PURG: variants seen among roughly 807,000 people sequenced by gnomAD.
The protein encoded by PURG is purine rich element binding protein G, also known as purine-rich element-binding protein gamma.
Under a neutral mutation model 24.3 loss-of-function variants are expected in PURG, and 3 were observed. The ratio of observed to expected loss-of-function variants is 0.12; its 90% CI spans 0.06 to 0.32. The LOEUF (loss-of-function observed/expected upper bound fraction) is 0.32, where lower values mean the gene tolerates loss of function less well. PURG is among the 10% of genes least tolerant of loss of function. PURG has a pLI of 1.00. For synonymous variants in PURG, 180 were observed against 173.1 expected, an observed-to-expected ratio of 1.04 and a Z score of -0.31; for missense variants, 371 against 439.1, an observed-to-expected ratio of 0.84 and a Z score of 1.39.
Position 31,031,144 on chromosome 8 carries a change from T to C in PURG, c.*595A>G, listed in dbSNP as rs1421678867. The C allele has an allele frequency of 2.6e-5, 4 of 152,770 alleles. No homozygotes were observed. Among genetic ancestry groups the C allele is most frequent in the African/African-American group, 4.8e-5 (2 of 41,452 alleles). The allele number at this position is 152,770 out of a possible 1,614,324, so 9.5% of individuals were successfully genotyped here. On this transcript the variant is annotated 3_prime_UTR_variant, in exon 2 of 2. Coordinates refer to ENST00000523392, the MANE Select transcript of PURG (RefSeq NM_001323311.2). Reference sequence around the variant, plus strand: ...CAAAGTTTGAAATTATAGAATACTATAGTATTCTTAAGAAATATTATGACA... The same window carrying C: ...CAAAGTTTGAAATTATAGAATACTACAGTATTCTTAAGAAATATTATGACA...
intron 1 of PURG, among the ~76,000 whole-genome samples, chr8:31,012,216 A>G (rs1409466149): frequency 6.6e-6 from 1 of 152,202 alleles, no homozygotes; most frequent in Non-Finnish European, 1.5e-5. Context: ...CAAATGGGAA[A>G]CTTAAGTTTA....
intron 1 of PURG, among the ~76,000 whole-genome samples, chr8:31,007,029 TACAAG>T (rs1810666541): frequency 1.3e-5 from 2 of 152,220 alleles, no homozygotes; most frequent in South Asian, 4.1e-4. Flanking sequence ...GATAAATTGA[TACAAG>T]ACAACAGATT....
chr8:31,013,649 A>G (rs1046435365), intron 1 of PURG, among the ~76,000 whole-genome samples: 1 of 152,204 alleles, frequency 6.6e-6, no homozygotes, highest in African/African-American at 2.4e-5. Context: ...AAGCAGGAGA[A>G]TCACTTGAAC....
chr8:31,027,139 C>T (rs1327938247), downstream of PURG, among the ~76,000 whole-genome samples: 1 of 151,606 alleles, frequency 6.6e-6, no homozygotes, highest in African/African-American at 2.4e-5. Context: ...CTTTGAAATT[C>T]AAGAAATATT....
At chr8:30,999,718 C>G (rs990484095) in intron 1 of PURG, among the ~76,000 whole-genome samples, 21 of 151,760 alleles carry the variant, frequency 1.4e-4, no homozygotes, top group African/African-American at 5.1e-4. Flanking sequence ...ACAGTTTTAC[C>G]TTTTTCATAC....
intron 1 of PURG, among the ~76,000 whole-genome samples, chr8:31,018,940 A>C (rs1028582840): frequency 1.3e-4 from 19 of 150,952 alleles, no homozygotes; most frequent in African/African-American, 4.4e-4. Flanking sequence ...ATTCTGGCTA[A>C]CATGGTGAAA....
rs1048735304 is a variant in PURG, at chr8:30,999,639, A to G, written c.865-2942T>C. On this transcript the variant is annotated intron_variant, in intron 1 of 1. Transcript: ENST00000339382. ...CTTTATAATTGCACATTCCTTTGCC[A>G]AAGTGCCACAAGTTGACAAATATTT... Among the ~76,000 whole-genome samples the G allele has an allele frequency of 3.3e-5, 5 of 152,026 alleles. 1 individual carries two copies. The highest frequency in any genetic ancestry group is 2.6e-4 in the Admixed American group (4 of 15,260).
At chr8:31,025,394 C>T (rs1381339169) in intron 1 of PURG, among the ~76,000 whole-genome samples, 1 of 151,896 alleles carries the variant, frequency 6.6e-6, no homozygotes, top group African/African-American at 2.4e-5. Flanking sequence ...CTTTTAACAA[C>T]ACCTCTTTCA....
In PURG at chr8:31,032,355, T is replaced by C. The variant is rs772773032; in HGVS notation, c.428A>G (p.Glu143Gly). The change falls in exon 2 of 2, where the codon GAG becomes GGG. Residue 143 changes from glutamate to glycine, a missense_variant. Coordinates refer to ENST00000523392, the MANE Select transcript of PURG (RefSeq NM_001323311.2). The surrounding 1 kb of genome is among the most constrained non-coding windows in gnomAD (Gnocchi z 5.9). ...GHRQEHGHSK[E>G]QGSRRRQKHS... ...CTTCTGCCTCCTTCTGGAGCCTTGCTCTTTGCTGTGGCCATGCTCTTGCCG... is the reference window on the plus strand; with the variant it reads ...CTTCTGCCTCCTTCTGGAGCCTTGCCCTTTGCTGTGGCCATGCTCTTGCCG... The C allele has an allele frequency of 1.2e-6, 2 of 1,613,190 alleles. No homozygotes were observed. The highest frequency in any genetic ancestry group is 1.7e-5 in the Admixed American group (1 of 60,012).
At chr8:31,014,512 G>A (rs576712538) in intron 1 of PURG, among the ~76,000 whole-genome samples, 41 of 152,234 alleles carry the variant, frequency 2.7e-4, no homozygotes, top group Non-Finnish European at 4.4e-4. Flanking sequence ...TACTGCCAAA[G>A]ATTTTGAAAA....
intron 1 of PURG, among the ~76,000 whole-genome samples, chr8:30,998,251 T>TG (rs1262345821): frequency 6.6e-6 from 1 of 151,846 alleles, no homozygotes; most frequent in Non-Finnish European, 1.5e-5. Context: ...TATTGTTCAT[T>TG]GGTTATATTG....
intron 1 of PURG, among the ~76,000 whole-genome samples, chr8:31,002,242 G>A (rs1387817663): frequency 6.6e-6 from 1 of 152,078 alleles, no homozygotes; most frequent in Non-Finnish European, 1.5e-5. Flanking sequence ...ATTGAATACC[G>A]AGAGGTAAGA....
At position 31,031,533 on chromosome 8, in the gene PURG, T is replaced by C. The variant is rs1811202587; in HGVS notation, c.*206A>G. The stretch of plus-strand genomic sequence containing the variant: ...AGTTGAAGCAGCTAAACTATTTAGC[T>C]CTGGGAAGGTTGGAATTCCCGTAAG... On this transcript the variant is annotated 3_prime_UTR_variant, in exon 2 of 2. Coordinates refer to ENST00000523392, the MANE Select transcript of PURG (RefSeq NM_001323311.2). 5.1e-6 allele frequency: 3 copies of C among 588,664 alleles called. No homozygotes were observed. Among genetic ancestry groups the C allele is most frequent in the Non-Finnish European group, 8.9e-6 (3 of 335,978 alleles). 36.5% of individuals were successfully genotyped at this position (588,664 alleles called of 1,614,324 possible). A position where few individuals can be genotyped will look rare whatever the true frequency, so the allele number is the denominator to read the frequency against.
rs1409225674 is a variant in PURG at position 31,033,287 on chromosome 8, G to C, written c.-216C>G. On this transcript the variant is annotated 5_prime_UTR_variant, in exon 1 of 2. Transcript: ENST00000523392. Reference sequence around the variant, plus strand: ...CAGCCGCCCCTCCTGCGGCCGCTGCGGGGGCCGCCGCCTGACTTCGGACAC... The same window carrying C: ...CAGCCGCCCCTCCTGCGGCCGCTGCCGGGGCCGCCGCCTGACTTCGGACAC... The C allele has an allele frequency of 6.2e-6, 1 of 160,880 alleles. No individual in the cohort carries two copies. Among genetic ancestry groups the C allele is most frequent in the Non-Finnish European group, 1.4e-5 (1 of 74,040 alleles). The allele number at this position is 160,880 out of a possible 1,614,324, so 10.0% of individuals were successfully genotyped here.
chr8:31,032,422 C>A lies in PURG; in HGVS notation c.361G>T (p.Asp121Tyr), dbSNP rs1319521632. ...AGGTGGGCATAGTGCTCGATGAAGT[C>A]CCCTAGACAGTCCTTCAGCTCCGCT... ...VAAELKDCLG[D>Y]FIEHYAHLGL... Residue 121 changes from aspartate to tyrosine, a missense_variant, in exon 2 of 2, where the codon GAC becomes TAC. Physicochemically the swap from Asp to Tyr is radical, Grantham distance 160 (BLOSUM62 -3). Coordinates refer to ENST00000523392, the MANE Select transcript of PURG (RefSeq NM_001323311.2). This position sits in a 1 kb window ranked among gnomAD's most constrained non-coding sequence, Gnocchi z 5.9. The A allele has an allele frequency of 5.0e-6, 8 of 1,614,058 alleles. No homozygotes were observed. Among genetic ancestry groups the A allele is most frequent in the Non-Finnish European group, 5.9e-6 (7 of 1,180,044 alleles).
intron 1 of PURG, among the ~76,000 whole-genome samples, chr8:31,007,754 T>C (rs1280907034): frequency 1.3e-5 from 2 of 152,162 alleles, no homozygotes; most frequent in Non-Finnish European, 2.9e-5. Context: ...CTGTAGGTAC[T>C]AGGAAGTAGG....
At chr8:30,999,233 G>A (rs777505259) in intron 1 of PURG, among the ~76,000 whole-genome samples, 12 of 151,696 alleles carry the variant, frequency 7.9e-5, no homozygotes, top group Non-Finnish European at 1.2e-4. Flanking sequence ...TGACTATATG[G>A]ACATCAACTA....
chr8:31,032,300 C>CACCGAG lies in PURG; in HGVS notation c.477_482dup (p.Ser160_Val161dup). On this transcript the variant is annotated inframe_insertion, in exon 2 of 2. Transcript: ENST00000523392. This position sits in a 1 kb window ranked among gnomAD's most constrained non-coding sequence, Gnocchi z 5.9. ...CACTGTGAGGATGCTCTTCGGACCC[C>CACCGAG]ACCGAGACTGGTGGGGAGGGTGCCG... is the stretch of plus-strand genomic sequence containing the variant. 3 of 1,612,886 alleles carry CACCGAG rather than the reference C, an allele frequency of 1.9e-6. No individual in the cohort carries two copies. Among genetic ancestry groups the CACCGAG allele is most frequent in the Non-Finnish European group, 2.5e-6 (3 of 1,180,034 alleles).
intron 1 of PURG, among the ~76,000 whole-genome samples, chr8:30,996,870 T>C (rs1258546389): frequency 2.6e-5 from 4 of 151,802 alleles, no homozygotes; most frequent in Non-Finnish European, 1.5e-5. Context: ...TATTTGAAGC[T>C]ACTGCATAAG....
Sources: allele counts gnomAD v4.1 joint callset (sites outside exome capture counted in the v4.1 genomes callset), GRCh38; gene constraint gnomAD v4.1.1; non-coding constraint Gnocchi (gnomAD v3.1); transcripts MANE v1.5; gene names NCBI Gene and HGNC (gene_info 2026-07-23, HGNC 2026-07-21).